CPQ: variants seen among roughly 807,000 people sequenced by gnomAD.
CPQ encodes Ser-Met dipeptidase.
CPQ carries 37 observed loss-of-function variants against 45.7 expected under a neutral mutation model. The observed-to-expected ratio is 0.81, with a 90% CI of 0.62 to 1.07. The LOEUF (loss-of-function observed/expected upper bound fraction) is 1.07. Among genes scored for constraint, CPQ ranks in the 50% least tolerant of loss-of-function variants. The pLI is 0.00. For synonymous variants in CPQ, 186 were observed against 205.8 expected (o/e 0.90, Z 0.82); for missense variants, 537 against 572.9 (o/e 0.94, Z 0.64).
chr8:96,934,211 C>G (rs1164671881), intron 4 of CPQ, among the ~76,000 whole-genome samples: 1 of 152,096 alleles, frequency 6.6e-6, no homozygotes, highest in Non-Finnish European at 1.5e-5. Flanking sequence ...TGCAGAGAGG[C>G]CCATCCATGA....
intron 1 of CPQ, among the ~76,000 whole-genome samples, chr8:96,737,526 C>A (rs963887696): frequency 1.3e-5 from 2 of 151,906 alleles, no homozygotes; most frequent in African/African-American, 4.8e-5. Context: ...AAGATGTAGG[C>A]TGGGAGACTA....
chr8:96,925,992 T>G (rs1812869377), intron 4 of CPQ, among the ~76,000 whole-genome samples: 1 of 152,202 alleles, frequency 6.6e-6, no homozygotes, highest in African/African-American at 2.4e-5. Context: ...CCGGCTGGCA[T>G]CTGCATTTTT....
chr8:96,801,465 A>T (rs935817012), intron 2 of CPQ, among the ~76,000 whole-genome samples: 1 of 152,196 alleles, frequency 6.6e-6, no homozygotes, highest in African/African-American at 2.4e-5. Context: ...TTGATTTTAT[A>T]TAATGTAAAT....
chr8:96,971,149 A>G (rs1444623847), intron 5 of CPQ, among the ~76,000 whole-genome samples: 1 of 152,236 alleles, frequency 6.6e-6, no homozygotes, highest in East Asian at 1.9e-4. Context: ...ACACAGATGC[A>G]CTTCTGGAAG....
At chr8:96,708,555 T>C (rs1005004948) in intron 1 of CPQ, among the ~76,000 whole-genome samples, 2 of 151,980 alleles carry the variant, frequency 1.3e-5, no homozygotes, top group Non-Finnish European at 2.9e-5. Context: ...AAAAGAGGAC[T>C]GATATGATAT....
intron 1 of CPQ, among the ~76,000 whole-genome samples, chr8:96,733,847 A>G (rs1809944527): frequency 6.6e-6 from 1 of 152,188 alleles, no homozygotes; most frequent in African/African-American, 2.4e-5. Context: ...TGTGGCTACC[A>G]TATTCACAGC....
intron 6 of CPQ, among the ~76,000 whole-genome samples, chr8:97,042,319 A>C (rs1810142878): frequency 1.3e-5 from 2 of 151,738 alleles, no homozygotes; most frequent in South Asian, 2.1e-4. Flanking sequence ...TTTCTGTGGG[A>C]TCGGTGGTGA....
intron 4 of CPQ, among the ~76,000 whole-genome samples, chr8:96,924,436 C>T (rs540349541): frequency 2.8e-4 from 42 of 152,292 alleles, no homozygotes; most frequent in East Asian, 9.6e-4. Context: ...TAACCCAAAG[C>T]GCCACTGCAA....
At chr8:97,113,786 C>T (rs546679684) in intron 7 of CPQ, among the ~76,000 whole-genome samples, 1 of 152,304 alleles carries the variant, frequency 6.6e-6, no homozygotes, top group South Asian at 2.1e-4. Context: ...TGGATACTCA[C>T]CCAGTCTGCT....
intron 7 of CPQ, among the ~76,000 whole-genome samples, chr8:97,136,465 T>G (rs545809871): frequency 3.9e-5 from 6 of 152,328 alleles, no homozygotes; most frequent in African/African-American, 1.4e-4. Context: ...TCTTGGAAGT[T>G]GGATATCATT....
chr8:97,121,471 T>C (rs1320117623), intron 7 of CPQ, among the ~76,000 whole-genome samples: 1 of 152,162 alleles, frequency 6.6e-6, no homozygotes, highest in Non-Finnish European at 1.5e-5. Flanking sequence ...AAGATTATTT[T>C]AGACTCACTC....
At chr8:97,046,751 C>T (rs1423387211) in intron 6 of CPQ, among the ~76,000 whole-genome samples, 1 of 152,204 alleles carries the variant, frequency 6.6e-6, no homozygotes, top group Non-Finnish European at 1.5e-5. Flanking sequence ...ACAGCATCCA[C>T]CTGCCCTCAC....
chr8:96,839,017 C>T (rs1811569416), intron 3 of CPQ, among the ~76,000 whole-genome samples: 1 of 152,042 alleles, frequency 6.6e-6, no homozygotes, highest in East Asian at 1.9e-4. Context: ...AAAAGCATTT[C>T]ACCTCTATGG....
intron 7 of CPQ, among the ~76,000 whole-genome samples, chr8:97,090,110 A>G (rs1811104923): frequency 6.6e-6 from 1 of 152,212 alleles, no homozygotes; most frequent in Non-Finnish European, 1.5e-5. Context: ...CAAAAGGATA[A>G]CACTGAGGTT....
At chr8:96,912,111 T>A (rs2130905112) in intron 4 of CPQ, among the ~76,000 whole-genome samples, 1 of 152,360 alleles carries the variant, frequency 6.6e-6, no homozygotes, top group South Asian at 2.1e-4. Context: ...CAGAACCAGA[T>A]GAATGATTCA....
At chr8:96,953,466 A>G (rs535537002) in intron 4 of CPQ, among the ~76,000 whole-genome samples, 21 of 152,222 alleles carry the variant, frequency 1.4e-4, no homozygotes, top group African/African-American at 4.8e-4. Flanking sequence ...CTTCTTGCAG[A>G]TGAAGCATCT....
intron 3 of CPQ, among the ~76,000 whole-genome samples, chr8:96,843,602 C>T (rs1308007337): frequency 6.6e-6 from 1 of 152,198 alleles, no homozygotes; most frequent in Non-Finnish European, 1.5e-5. Flanking sequence ...ATTCTGCAGA[C>T]AGACTGTGTG....
intron 6 of CPQ, among the ~76,000 whole-genome samples, chr8:97,040,800 G>T (rs184402874): frequency 6.6e-6 from 1 of 152,122 alleles, no homozygotes; most frequent in Non-Finnish European, 1.5e-5. Flanking sequence ...TTGAAGATAC[G>T]TGGCATTATT....
chr8:96,659,954 C>T (rs1408724214), intron 1 of CPQ, among the ~76,000 whole-genome samples: 1 of 152,194 alleles, frequency 6.6e-6, no homozygotes, highest in African/African-American at 2.4e-5. Context: ...GATCATGTTA[C>T]TTCCTCTCTC....
Sources: allele counts gnomAD v4.1 joint callset (sites outside exome capture counted in the v4.1 genomes callset), GRCh38; gene constraint gnomAD v4.1.1; transcripts MANE v1.5; gene names NCBI Gene and HGNC (gene_info 2026-07-23, HGNC 2026-07-21).